Variants in MYRFL observed in about 807,000 individuals in gnomAD.
MYRFL encodes myelin regulatory factor like.
MYRFL carries 88 observed loss-of-function variants against 109.4 expected under a neutral mutation model. That is an observed-to-expected ratio of 0.80 (90% CI 0.68 to 0.96). The LOEUF (loss-of-function observed/expected upper bound fraction) is 0.96. Ranked by LOEUF, MYRFL falls within the 40% of genes least tolerant of loss-of-function variation. MYRFL has a pLI of 0.00. For synonymous variants in MYRFL, 324 were observed against 320.9 expected (o/e 1.01, Z -0.10); for missense variants, 957 against 954.9 (o/e 1.00, Z -0.03).
At position 69,958,363 on chromosome 12, in the gene MYRFL, A is replaced by ATT. The variant is rs955239705; in HGVS notation, c.2646+41_2646+42dup. ...TCTTTTTCTTTTCAGTGAGAAAGAA[A>ATT]TTGAGCAATAAAAAAAAATCACTTT... On this transcript the variant is annotated intron_variant, in intron 24 of 24. Coordinates refer to ENST00000552032, the MANE Select transcript of MYRFL (RefSeq NM_182530.3). 5.9e-6 allele frequency: 9 copies of ATT among 1,523,966 alleles called. No individual in the cohort carries two copies. In the African/African-American group the frequency reaches 1.2e-4, roughly 21 times the overall value. The allele number at this position is 1,523,966 out of a possible 1,614,324, so 94.4% of individuals were successfully genotyped here.
intron 1 of MYRFL, among the ~76,000 whole-genome samples, chr12:69,836,961 C>T (rs1440915556): frequency 2.0e-5 from 3 of 152,106 alleles, no homozygotes. Context: ...CTCACTCTGC[C>T]ATTTGTGTTA....
chr12:69,937,265 TTTA>T lies in MYRFL; in HGVS notation c.2224+639_2224+641del, dbSNP rs1255275640. On this transcript the variant is annotated intron_variant, in intron 19 of 24. Transcript: ENST00000552032. ...TACAAGTCTTCCAAATGTATACTAA[TTTA>T]TTATTGTTTTTAGAAATTTTATTCT... 3.3e-5 allele frequency among the ~76,000 whole-genome samples: 5 copies of T among 152,046 alleles called. No individual in the cohort carries two copies. The East Asian group carries it at 5.8e-4, about 18-fold the overall frequency.
chr12:69,854,291 G>A (rs1262643543), intron 1 of MYRFL, among the ~76,000 whole-genome samples: 3 of 151,350 alleles, frequency 2.0e-5, no homozygotes, highest in Admixed American at 6.6e-5. Context: ...CCGAGATGGC[G>A]GCAGCACAGT....
At chr12:69,826,506 C>A (rs964667306) in intron 1 of MYRFL, among the ~76,000 whole-genome samples, 8 of 152,042 alleles carry the variant, frequency 5.3e-5, no homozygotes, top group African/African-American at 1.9e-4. Flanking sequence ...ATGCAAAAAT[C>A]TACTCCATTT....
At chr12:69,834,384 C>T (rs1882814216) in intron 1 of MYRFL, among the ~76,000 whole-genome samples, 1 of 152,060 alleles carries the variant, frequency 6.6e-6, no homozygotes, top group Admixed American at 6.5e-5. Context: ...AATATGCTTC[C>T]TAGGAATCTC....
chr12:69,905,266 A>C (rs1008572289), intron 11 of MYRFL, among the ~76,000 whole-genome samples: 2 of 152,222 alleles, frequency 1.3e-5, no homozygotes, highest in Non-Finnish European at 2.9e-5. Context: ...TCCTGCTACC[A>C]CCAGGCATAA....
In MYRFL at chr12:69,910,023, G is replaced by A; in HGVS notation, c.1438G>A (p.Asp480Asn). ...AGCCCAAATGAGAATTGTTGAATAT[G>A]ACTACAAACCTGAATTTGCATCTGC... ...RIAQMRIVEY[D>N]YKPEFASAMG... The change falls in exon 12 of 25, where the codon GAC becomes AAC. Residue 480 changes from aspartate (D) to asparagine (N), a missense_variant. Coordinates refer to ENST00000552032, the MANE Select transcript of MYRFL (RefSeq NM_182530.3). 6.5e-7 allele frequency: 1 copy of A among 1,534,898 alleles called. No homozygotes were observed. Among genetic ancestry groups the A allele is most frequent in the South Asian group, 1.2e-5 (1 of 83,782 alleles).
chr12:69,833,847 T>TTC (rs1555236457), intron 1 of MYRFL, among the ~76,000 whole-genome samples: 2 of 142,718 alleles, frequency 1.4e-5, no homozygotes, highest in South Asian at 2.2e-4. Context: ...TTTTTTTTTT[T>TTC]CGGTACAATT....
At chr12:69,891,674 TTTCTTTCTTTCGTTCGTTC>T (rs1566002694) in intron 7 of MYRFL, among the ~76,000 whole-genome samples, 2,996 of 116,434 alleles carry the variant, frequency 0.026, 204 homozygotes, top group African/African-American at 0.063. Flanking sequence ...TCTTTCTTTC[TTTCTTTCTTTCGTTCGTTC>T]GTTCTTTCTT....
intron 2 of MYRFL, among the ~76,000 whole-genome samples, chr12:69,858,289 G>A (rs1240215): frequency 0.74 from 111,883 of 151,742 alleles, 42,939 homozygotes; most frequent in Non-Finnish European, 0.86. Flanking sequence ...CTATGTTTAT[G>A]AGAATATTGA....
intron 2 of MYRFL, among the ~76,000 whole-genome samples, chr12:69,857,994 C>CT (rs950821440): frequency 2.5e-4 from 37 of 150,662 alleles, no homozygotes; most frequent in East Asian, 3.9e-4. Flanking sequence ...GTTAGTGATA[C>CT]TTTTTTTTTA....
At position 69,840,293 on chromosome 12, in the gene MYRFL, G is replaced by T. The variant is rs186624298; in HGVS notation, c.46+14730G>T. On this transcript the variant is annotated intron_variant, in intron 1 of 24. Coordinates refer to ENST00000552032, the MANE Select transcript of MYRFL (RefSeq NM_182530.3). The stretch of plus-strand genomic sequence containing the variant: ...ACATTATTGAGAAGGATGCGAGCAG[G>T]TAATTAATTTCATGCTGAATTTTAG... 2.2e-3 allele frequency among the ~76,000 whole-genome samples: 337 copies of T among 152,288 alleles called. 2 individuals are homozygous for T. The Middle Eastern group carries it at 0.031, about 14-fold the overall frequency.
chr12:69,826,896 C>G (rs1442035870), intron 1 of MYRFL, among the ~76,000 whole-genome samples: 1 of 152,130 alleles, frequency 6.6e-6, no homozygotes, highest in African/African-American at 2.4e-5. Context: ...TCAACAACCA[C>G]TTTCTTTAAA....
At chr12:69,924,760 G>A (rs1476464657) in intron 13 of MYRFL, among the ~76,000 whole-genome samples, 4 of 152,170 alleles carry the variant, frequency 2.6e-5, no homozygotes, top group Admixed American at 2.0e-4. Flanking sequence ...GCTGATACAA[G>A]TATGATTTTT....
At chr12:69,895,618 T>A in intron 9 of MYRFL, 137 bp downstream of exon 9, 1 of 628,972 alleles carries the variant, frequency 1.6e-6, no homozygotes, top group South Asian at 2.0e-5. Context: ...CTCCCTTCTC[T>A]GACTCTCAGT....
rs996558141 is a variant in MYRFL, at chr12:69,879,212, C to T, written c.223C>T (p.Leu75=). The T allele has an allele frequency of 1.4e-6, 1 of 702,756 alleles. No individual in the cohort carries two copies. The highest frequency in any genetic ancestry group is 1.7e-5 in the African/African-American group (1 of 57,250). 43.5% of individuals were successfully genotyped at this position (702,756 alleles called of 1,614,324 possible). The change falls in exon 4 of 25, where the codon CTG becomes TTG. Residue 75 remains leucine (L), a synonymous_variant. Transcript: ENST00000552032. ...PQVKGACYPT[L]RPTAGRTPAP... ...CTCCCCAGGTGCATGCTACCCAACC[C>T]TGAGGCCCACAGCTGGGAGGACTCC...
chr12:69,872,127 T>C (rs1470802753), intron 2 of MYRFL, among the ~76,000 whole-genome samples: 2 of 151,932 alleles, frequency 1.3e-5, no homozygotes, highest in African/African-American at 2.4e-5. Context: ...ACTCTTTTAT[T>C]ATTAGAAATG....
chr12:69,927,105 C>T (rs373870973), intron 14 of MYRFL, among the ~76,000 whole-genome samples: 3 of 151,694 alleles, frequency 2.0e-5, no homozygotes, highest in African/African-American at 7.3e-5. Context: ...CCACCATGCC[C>T]GGCTAATTTT....
In MYRFL at chr12:69,936,526, G is replaced by A. The variant is rs61764065; in HGVS notation, c.2118G>A (p.Pro706=). The change falls in exon 19 of 25, where the codon CCG becomes CCA. Residue 706 remains proline (P), a synonymous_variant. Transcript: ENST00000552032. ...AAATTACTTTCTGTGAAATCCTGCC[G>A]TGTCAGGAGACTTATTGCTGCCCCA... ...VPEITFCEIL[P]CQETYCCPIR... is the part of the protein sequence containing the mutation. 1.2e-3 allele frequency: 1,894 copies of A among 1,536,004 alleles called. 12 individuals carry two copies. Among genetic ancestry groups the A allele is most frequent in the East Asian group, 0.012 (496 of 40,912 alleles).
Sources: gnomAD v4.1 joint callset for allele counts (sites outside exome capture counted in the v4.1 genomes callset) on GRCh38, gnomAD v4.1.1 for gene constraint, MANE v1.5 for transcripts, NCBI Gene and HGNC (gene_info 2026-07-23, HGNC 2026-07-21) for gene names.